DMXL2: variants seen among roughly 807,000 people sequenced by gnomAD.
The protein encoded by DMXL2 is dmX-like protein 2.
Under a neutral mutation model 331.1 loss-of-function variants are expected in DMXL2, and 103 were observed. That is an observed-to-expected ratio of 0.31 (90% confidence interval 0.27 to 0.37). The LOEUF (loss-of-function observed/expected upper bound fraction) is 0.37, where lower values mean the gene tolerates loss of function less well. Among genes scored for constraint, DMXL2 ranks in the 10% least tolerant of loss-of-function variants. DMXL2 has a pLI of 1.00. For synonymous variants in DMXL2, 1,281 were observed against 1,252.1 expected (o/e 1.02, Z -0.49); for missense variants, 3,171 against 3,642.9 (o/e 0.87, Z 3.33).
intron 13 of DMXL2, among the ~76,000 whole-genome samples, chr15:51,524,808 G>A (rs1048638687): frequency 1.3e-5 from 2 of 152,052 alleles, no homozygotes; most frequent in African/African-American, 4.8e-5. Flanking sequence ...AAACTTGAAA[G>A]GCAATCTAGG....
At chr15:51,468,886 A>G (rs2040838442) in intron 29 of DMXL2, among the ~76,000 whole-genome samples, 1 of 152,202 alleles carries the variant, frequency 6.6e-6, no homozygotes, top group Non-Finnish European at 1.5e-5. Flanking sequence ...TGCCATCAGC[A>G]AAATCCATTG....
intron 1 of DMXL2, among the ~76,000 whole-genome samples, chr15:51,596,458 T>A (rs74903804): frequency 0.48 from 72,817 of 151,858 alleles, 17,807 homozygotes; most frequent in Non-Finnish European, 0.52. Flanking sequence ...TAGGAACACT[T>A]TTACACTGCT....
intron 11 of DMXL2, among the ~76,000 whole-genome samples, chr15:51,537,197 T>C (rs1277681722): frequency 6.6e-6 from 1 of 152,200 alleles, no homozygotes; most frequent in African/African-American, 2.4e-5. Context: ...ATTCACATTT[T>C]CAGGGTAGTT....
chr15:51,496,518 T>C (rs1340721720), intron 18 of DMXL2, among the ~76,000 whole-genome samples: 1 of 152,192 alleles, frequency 6.6e-6, no homozygotes, highest in Admixed American at 6.5e-5. Flanking sequence ...TTTAGGCCAC[T>C]GTAAGGCTCT....
In DMXL2 at chr15:51,500,109, T is replaced by C. The variant is rs773045145; in HGVS notation, c.3115A>G (p.Lys1039Glu). The change falls in exon 18 of 44, where the codon AAA becomes GAA. Residue 1039 changes from lysine (K) to glutamate (E), a missense_variant. Coordinates refer to ENST00000560891, the MANE Select transcript of DMXL2 (RefSeq NM_001378457.1). Reference sequence around the variant, plus strand: ...TGATAAATTTCTTTCTCATCACTTTTATTACACTCTGGGTTGGCTTCCATA... The same window carrying C: ...TGATAAATTTCTTTCTCATCACTTTCATTACACTCTGGGTTGGCTTCCATA... The part of the protein sequence containing the change: ...CCMEANPECN[K>E]SDEKEIYHWK... 1 of 1,614,212 alleles carries C rather than the reference T, an allele frequency of 6.2e-7. No individual in the cohort carries two copies. The highest frequency in any genetic ancestry group is 2.2e-5 in the East Asian group (1 of 44,882).
At chr15:51,490,590 T>C (rs2042725185) in intron 20 of DMXL2, among the ~76,000 whole-genome samples, 1 of 152,222 alleles carries the variant, frequency 6.6e-6, no homozygotes, top group Non-Finnish European at 1.5e-5. Flanking sequence ...GAGTTTGGGC[T>C]TGTTACCCAT....
rs970341177 is a variant in DMXL2 at position 51,591,074 on chromosome 15, G to A, written c.88-14893C>T. Among the ~76,000 whole-genome samples, 11 of 152,258 alleles carry A rather than the reference G, an allele frequency of 7.2e-5. No individual in the cohort carries two copies. In the East Asian group the frequency reaches 9.7e-4, roughly 13 times the overall value. ...CGGGTTCATCTCACTGGGGAGTGTC[G>A]GAAAGTGGATGCAGGACAGTGGATG... On this transcript the variant is annotated intron_variant, in intron 1 of 43. Transcript: ENST00000560891.
chr15:51,561,907 AT>A (rs2141029651), intron 6 of DMXL2, among the ~76,000 whole-genome samples: 1 of 152,330 alleles, frequency 6.6e-6, no homozygotes, highest in Non-Finnish European at 1.5e-5. Context: ...AGAAGTCATT[AT>A]GTTACATGAA....
chr15:51,535,039 C>T (rs2048209862), intron 13 of DMXL2, among the ~76,000 whole-genome samples: 1 of 152,120 alleles, frequency 6.6e-6, no homozygotes, highest in Non-Finnish European at 1.5e-5. Flanking sequence ...AGGTCTGAAA[C>T]TTATATTTTG....
At chr15:51,574,448 CCT>C (rs2050879847) in intron 2 of DMXL2, among the ~76,000 whole-genome samples, 1 of 152,140 alleles carries the variant, frequency 6.6e-6, no homozygotes, top group Non-Finnish European at 1.5e-5. Flanking sequence ...AAAAATATCC[CCT>C]GTGATTTTAA....
intron 1 of DMXL2, among the ~76,000 whole-genome samples, chr15:51,600,424 A>C (rs1378865027): frequency 1.3e-5 from 2 of 152,166 alleles, no homozygotes; most frequent in Non-Finnish European, 2.9e-5. Flanking sequence ...TCCTCATAGG[A>C]AACTTGCTTG....
intron 1 of DMXL2, among the ~76,000 whole-genome samples, chr15:51,586,175 C>T (rs983021127): frequency 1.3e-5 from 2 of 152,088 alleles, no homozygotes; most frequent in African/African-American, 4.8e-5. Context: ...AAAAGTTTAA[C>T]CTAAGTCAAT....
At chr15:51,453,931 AGACCCGTCAATTTTAGTGCTAAT>A (rs1393746902) in intron 40 of DMXL2, 9 of 260,296 alleles carry the variant, frequency 3.5e-5, no homozygotes, top group Non-Finnish European at 6.5e-5. Context: ...AACCTACCTA[AGACCCGTCAATTTTAGTGCTAAT>A]GATCTCAAAT....
intron 13 of DMXL2, among the ~76,000 whole-genome samples, chr15:51,517,908 T>C (rs1383675424): frequency 6.6e-6 from 1 of 152,146 alleles, no homozygotes; most frequent in Non-Finnish European, 1.5e-5. Context: ...CCAGAGAGCA[T>C]GTAAGAAAAT....
Position 51,576,116 on chromosome 15 carries a change from A to G in DMXL2, c.153T>C (p.Pro51=). ...ANDFECVQII[P]GAKHGNIQVS... is the part of the protein sequence containing the mutation. ...CTTGGATGTTTCCATGCTTAGCACC[A>G]GGAATGATCTGTACACATTCAAAGT... The change falls in exon 2 of 44, where the codon CCT becomes CCC. Residue 51 remains proline, a synonymous_variant. Coordinates refer to ENST00000560891, the MANE Select transcript of DMXL2 (RefSeq NM_001378457.1). The G allele has an allele frequency of 6.3e-7, 1 of 1,599,630 alleles. No individual in the cohort carries two copies.
At chr15:51,539,802 G>C (rs1223767614) in intron 9 of DMXL2, among the ~76,000 whole-genome samples, 1 of 151,974 alleles carries the variant, frequency 6.6e-6, no homozygotes, top group Non-Finnish European at 1.5e-5. Flanking sequence ...CCAAAAAATG[G>C]TATAAATCAA....
In DMXL2 at chr15:51,576,086, G is replaced by A; in HGVS notation, c.183C>T (p.Ser61=). 2 of 1,576,612 alleles carry A rather than the reference G, an allele frequency of 1.3e-6. No individual in the cohort carries two copies. The highest frequency in any genetic ancestry group is 1.7e-6 in the Non-Finnish European group (2 of 1,158,762). Residue 61 remains serine (S), a synonymous_variant, in exon 2 of 44, where the codon AGC becomes AGT. Transcript: ENST00000560891. ...CTTGTTGGTTAGAACACTCCACACA[G>A]CTGACTTGGATGTTTCCATGCTTAG... ...PGAKHGNIQV[S]CVECSNQQGR...
chr15:51,587,798 G>A (rs1180477517), intron 1 of DMXL2, among the ~76,000 whole-genome samples: 2 of 152,168 alleles, frequency 1.3e-5, no homozygotes, highest in African/African-American at 4.8e-5. Context: ...GTGTAAAAGT[G>A]TTCCTATTTC....
In DMXL2 at chr15:51,609,902, C is replaced by G. The variant is rs192937319; in HGVS notation, c.87+12557G>C. Reference sequence around the variant, plus strand: ...CAGAGATTGCGCCATTGCACTCCAGCCTGGGCAACAAGAGTGAAAGTCAGT... The same window carrying G: ...CAGAGATTGCGCCATTGCACTCCAGGCTGGGCAACAAGAGTGAAAGTCAGT... On this transcript the variant is annotated intron_variant, in intron 1 of 43. Coordinates refer to ENST00000560891, the MANE Select transcript of DMXL2 (RefSeq NM_001378457.1). Among the ~76,000 whole-genome samples, 1,333 of 151,036 alleles carry G rather than the reference C, an allele frequency of 8.8e-3. 24 individuals carry two copies. The highest frequency in any genetic ancestry group is 8.7e-3 in the Non-Finnish European group (593 of 67,846).
Sources: allele counts gnomAD v4.1 joint callset (sites outside exome capture counted in the v4.1 genomes callset), GRCh38; gene constraint gnomAD v4.1.1; transcripts MANE v1.5; gene names NCBI Gene and HGNC (gene_info 2026-07-23, HGNC 2026-07-21).